Variants in CEP192 observed in about 807,000 individuals in gnomAD.
CEP192 encodes the protein centrosomal protein 192.
In CEP192, 151 loss-of-function variants were observed where a neutral mutation model predicts 271.8. That is an observed-to-expected ratio of 0.56 (90% CI 0.49 to 0.64). The LOEUF (loss-of-function observed/expected upper bound fraction) is 0.64. CEP192 is among the 30% of genes least tolerant of loss of function. The probability of loss-of-function intolerance (pLI) is 0.00; values close to 1 mark genes in which losing one functional copy is unlikely to be tolerated. For synonymous variants in CEP192, 995 were observed against 1,076.5 expected (o/e 0.92, Z 1.48); for missense variants, 2,910 against 3,020.5 (o/e 0.96, Z 0.86).
intron 9 of CEP192, among the ~76,000 whole-genome samples, chr18:13,020,045 A>G (rs1436063597): frequency 6.6e-6 from 1 of 152,140 alleles, no homozygotes; most frequent in Non-Finnish European, 1.5e-5. Flanking sequence ...TCCTGGCCTC[A>G]AGTGATCTGC....
Position 13,105,015 on chromosome 18 carries a change from C to T in CEP192, c.6983C>T (p.Ala2328Val), listed in dbSNP as rs770533343. The change falls in exon 40 of 45, where the codon GCT (alanine) becomes GTT (valine). Residue 2328 changes from alanine to valine, a missense_variant. Physicochemically the swap from Ala to Val is moderately conservative, Grantham distance 64. Transcript: ENST00000506447. The stretch of plus-strand genomic sequence containing the variant: ...GATGAAAGTGGAGATGTTTTTAGAG[C>T]TACCTATGCAGCATTCAGATGTTCT... ...GVDESGDVFR[A>V]TYAAFRCSPI... 1.2e-6 allele frequency: 2 copies of T among 1,613,916 alleles called. No individual in the cohort carries two copies. The highest frequency in any genetic ancestry group is 2.2e-5 in the South Asian group (2 of 91,070).
rs750557781 is a variant in CEP192, at chr18:13,087,510, AT to A, written c.5878-12del. On this transcript the variant is annotated intron_variant, in intron 31 of 44. Coordinates refer to ENST00000506447, the MANE Select transcript of CEP192 (RefSeq NM_032142.4). ...TAAAAATATTTAATATTTACTCCTGATTTTTTTTTCTTGGCATCAGAATGTT... is the reference window on the plus strand; with the variant it reads ...TAAAAATATTTAATATTTACTCCTGATTTTTTTTCTTGGCATCAGAATGTT... 1.5e-4 allele frequency: 179 copies of A among 1,192,082 alleles called. No homozygotes were observed. Among genetic ancestry groups the A allele is most frequent in the South Asian group, 2.0e-4 (14 of 70,090 alleles). 73.8% of individuals were successfully genotyped at this position (1,192,082 alleles called of 1,614,324 possible).
intron 14 of CEP192, 98 bp downstream of exon 14, chr18:13,041,054 G>A: frequency 1.0e-6 from 1 of 979,880 alleles, no homozygotes; most frequent in East Asian, 2.5e-5. Context: ...GAGTGAAAAT[G>A]TATATAACAC....
chr18:12,996,447 G>T (rs2033246281), intron 1 of CEP192, among the ~76,000 whole-genome samples: 1 of 152,154 alleles, frequency 6.6e-6, no homozygotes, highest in Non-Finnish European at 1.5e-5. Flanking sequence ...AAATGTAGGT[G>T]CTTGTTAGAC....
Position 13,096,220 on chromosome 18 carries a change from A to G in CEP192, c.6470A>G (p.Asn2157Ser). 2 of 1,614,144 alleles carry G rather than the reference A, an allele frequency of 1.2e-6. No homozygotes were observed. Among genetic ancestry groups the G allele is most frequent in the Non-Finnish European group, 8.5e-7 (1 of 1,179,972 alleles). The change falls in exon 36 of 45, where the codon AAT becomes AGT. Residue 2157 changes from asparagine (N) to serine (S), a missense_variant. Transcript: ENST00000506447. ...MAKTGRFQIV[N>S]NSVRLLRFEL... The stretch of plus-strand genomic sequence containing the variant: ...AAAACTGGACGTTTCCAGATTGTGA[A>G]TAACTCTGTGAGGTTACTGAGATTT...
intron 32 of CEP192, chr18:13,088,854 CTTAA>C (rs746993054): frequency 2.3e-6 from 1 of 433,026 alleles, no homozygotes; most frequent in South Asian, 1.7e-5. Context: ...GGTTTTGTTT[CTTAA>C]TTATTTTGGA....
intron 15 of CEP192, among the ~76,000 whole-genome samples, chr18:13,045,502 G>A (rs564047174): frequency 2.1e-4 from 32 of 152,218 alleles, no homozygotes; most frequent in Non-Finnish European, 3.7e-4. Flanking sequence ...TTTTCTGTAC[G>A]CTTGTAGGGA....
At chr18:13,002,532 A>G (rs545794689) in intron 3 of CEP192, among the ~76,000 whole-genome samples, 148 of 152,290 alleles carry the variant, frequency 9.7e-4, no homozygotes, top group African/African-American at 3.3e-3. Flanking sequence ...TAGGGTTTAA[A>G]TTGCTGAGGT....
intron 36 of CEP192, among the ~76,000 whole-genome samples, chr18:13,098,927 C>T (rs181843640): frequency 4.8e-4 from 73 of 152,308 alleles, no homozygotes; most frequent in Non-Finnish European, 7.6e-4. Flanking sequence ...TCTACAATCC[C>T]GGCACCTCGG....
rs538498573 is a variant in CEP192, at chr18:13,105,049, T to C, written c.7017T>C (p.Ser2339=). 1 of 1,614,054 alleles carries C rather than the reference T, an allele frequency of 6.2e-7. No homozygotes were observed. The highest frequency in any genetic ancestry group is 1.1e-5 in the South Asian group (1 of 91,080). Residue 2339 remains serine (S), a synonymous_variant, in exon 40 of 45, where the codon TCT becomes TCC. Coordinates refer to ENST00000506447, the MANE Select transcript of CEP192 (RefSeq NM_032142.4). ...TYAAFRCSPI[S]GLLESHGIQK... ...CAGCATTCAGATGTTCTCCTATTTC[T>C]GGTCTGCTGGAAAGCCATGGGATCC... is the stretch of plus-strand genomic sequence containing the variant.
chr18:13,116,013 C>T (rs115711558), intron 42 of CEP192, among the ~76,000 whole-genome samples: 1 of 152,144 alleles, frequency 6.6e-6, no homozygotes. Flanking sequence ...GGAGGCCACA[C>T]CTGCATCAGG....
chr18:13,106,911 T>C (rs2039984301), intron 40 of CEP192, among the ~76,000 whole-genome samples: 1 of 152,222 alleles, frequency 6.6e-6, no homozygotes, highest in Non-Finnish European at 1.5e-5. Context: ...AAACATCCAC[T>C]GTAGCCAAAA....
At position 13,071,199 on chromosome 18, in the gene CEP192, C is replaced by T; in HGVS notation, c.5335C>T (p.Leu1779=). 1 of 1,613,594 alleles carries T rather than the reference C, an allele frequency of 6.2e-7. No individual in the cohort carries two copies. Residue 1779 remains leucine, a synonymous_variant, in exon 28 of 45, where the codon CTA becomes TTA. Transcript: ENST00000506447. ...KQFLAWGGVP[L]GRTQLQKLAL... is the part of the protein sequence containing the mutation. ...ATTTCTGGCTTGGGGAGGAGTCCCT[C>T]TAGGTAGAACACAGTAAGTGTCAAA...
chr18:13,062,081 G>C (rs980758679), intron 21 of CEP192, among the ~76,000 whole-genome samples: 2 of 152,168 alleles, frequency 1.3e-5, no homozygotes, highest in South Asian at 4.1e-4. Context: ...AGAAGGCAGT[G>C]GTTCCCTACT....
At chr18:13,004,757 G>A (rs1032045459) in intron 3 of CEP192, among the ~76,000 whole-genome samples, 4 of 152,186 alleles carry the variant, frequency 2.6e-5, no homozygotes, top group African/African-American at 9.7e-5. Flanking sequence ...CTTGAGGGCC[G>A]TGGGCGTGAC....
intron 9 of CEP192, among the ~76,000 whole-genome samples, chr18:13,022,083 T>C (rs1398747728): frequency 1.3e-5 from 2 of 152,230 alleles, no homozygotes; most frequent in Admixed American, 6.5e-5. Flanking sequence ...TTCATTTTTT[T>C]GCATATAAAT....
At chr18:13,081,602 A>G (rs990605949) in intron 30 of CEP192, among the ~76,000 whole-genome samples, 1 of 151,896 alleles carries the variant, frequency 6.6e-6, no homozygotes, top group Non-Finnish European at 1.5e-5. Flanking sequence ...GGATTCATTG[A>G]TTTTTTTGAA....
At chr18:12,998,552 G>A (rs1437537042) in intron 1 of CEP192, among the ~76,000 whole-genome samples, 3 of 152,164 alleles carry the variant, frequency 2.0e-5, no homozygotes, top group Admixed American at 6.5e-5. Context: ...TAGTAGATAT[G>A]CAATAAAATT....
chr18:13,042,171 A>T, intron 14 of CEP192, 33 bp from the exon 15 acceptor site: 1 of 1,573,702 alleles, frequency 6.4e-7, no homozygotes, highest in Non-Finnish European at 8.7e-7. Context: ...AATAGTGTAT[A>T]CTTATAAGTT....
Sources: gnomAD v4.1 joint callset for allele counts (sites outside exome capture counted in the v4.1 genomes callset) on GRCh38, gnomAD v4.1.1 for gene constraint, MANE v1.5 for transcripts, NCBI Gene and HGNC (gene_info 2026-07-23, HGNC 2026-07-21) for gene names.